The following RBFOX1 variants were observed in gnomAD, a reference collection of about 807,000 sequenced individuals.
RBFOX1 encodes RNA binding fox-1 homolog 1, also known as RNA binding protein fox-1 homolog 1.
Under a neutral mutation model 57.7 loss-of-function variants are expected in RBFOX1, and 8 were observed. The ratio of observed to expected loss-of-function variants is 0.14; its 90% CI spans 0.08 to 0.25. The LOEUF is 0.25. Among genes scored for constraint, RBFOX1 ranks in the 10% least tolerant of loss-of-function variants. The probability of loss-of-function intolerance (pLI) is 1.00; values close to 1 mark genes in which losing one functional copy is unlikely to be tolerated. For missense variants in RBFOX1, 611 were observed against 548.5 expected, an observed-to-expected ratio of 1.11 and a Z score of -1.14; for synonymous variants, 326 against 222.4, an observed-to-expected ratio of 1.47 and a Z score of -4.15.
intron 2 of RBFOX1, among the ~76,000 whole-genome samples, chr16:6,503,173 T>C (rs1293323879): frequency 6.6e-6 from 1 of 151,246 alleles, no homozygotes; most frequent in Non-Finnish European, 1.5e-5. Context: ...CAATTTATTA[T>C]ATGTGATTTT....
At chr16:5,951,492 T>C (rs1318310715) in intron 4 of RBFOX1, among the ~76,000 whole-genome samples, 1 of 152,140 alleles carries the variant, frequency 6.6e-6, no homozygotes, top group East Asian at 1.9e-4. Flanking sequence ...TATATATGTG[T>C]GTGTATATAT....
rs577290048 is a variant in RBFOX1 at position 6,497,777 on chromosome 16, G to C, written c.-63-156826G>C. Among the ~76,000 whole-genome samples the C allele has an allele frequency of 2.0e-5, 3 of 151,920 alleles. No homozygotes were observed. In the South Asian group the frequency reaches 6.2e-4, roughly 32 times the overall value. ...TCACCATATTAGCCAGGCTGACCTC[G>C]AACTCCTGACCTCAAGTGATCCACC... is the stretch of plus-strand genomic sequence containing the variant. On this transcript the variant is annotated intron_variant, in intron 2 of 15. Coordinates refer to ENST00000550418, the MANE Select transcript of RBFOX1 (RefSeq NM_018723.4).
At chr16:5,472,389 C>T (rs3859163) in intron 2 of RBFOX1, among the ~76,000 whole-genome samples, 1 of 151,916 alleles carries the variant, frequency 6.6e-6, no homozygotes, top group Admixed American at 6.6e-5. Context: ...ATTATTAAAC[C>T]CATTTGCAGC....
chr16:5,637,611 C>T (rs1161505588), intron 3 of RBFOX1, among the ~76,000 whole-genome samples: 1 of 152,086 alleles, frequency 6.6e-6, no homozygotes, highest in African/African-American at 2.4e-5. Context: ...AACAAGTTAC[C>T]CTTTTGTGCC....
intron 3 of RBFOX1, among the ~76,000 whole-genome samples, chr16:7,043,673 A>G (rs1383032062): frequency 6.6e-6 from 1 of 152,232 alleles, no homozygotes; most frequent in Non-Finnish European, 1.5e-5. Context: ...GGATTTTCCA[A>G]CATTCTATTA....
At chr16:6,661,059 C>T (rs1161694927) in intron 3 of RBFOX1, among the ~76,000 whole-genome samples, 1 of 152,120 alleles carries the variant, frequency 6.6e-6, no homozygotes, top group Non-Finnish European at 1.5e-5. Context: ...GAAGGTGATA[C>T]CTTCATATCT....
At chr16:5,676,141 G>A (rs2050162378) in intron 3 of RBFOX1, among the ~76,000 whole-genome samples, 1 of 152,012 alleles carries the variant, frequency 6.6e-6, no homozygotes, top group South Asian at 2.1e-4. Flanking sequence ...CCTAATTCAA[G>A]CAGGGCTTAA....
chr16:6,707,985 C>T (rs2063066953), intron 3 of RBFOX1, among the ~76,000 whole-genome samples: 1 of 152,146 alleles, frequency 6.6e-6, no homozygotes, highest in Non-Finnish European at 1.5e-5. Flanking sequence ...AAAACCTAGA[C>T]ATCAGGTAGT....
At chr16:6,337,091 G>C (rs534136631) in intron 2 of RBFOX1, among the ~76,000 whole-genome samples, 8 of 152,076 alleles carry the variant, frequency 5.3e-5, no homozygotes, top group African/African-American at 1.9e-4. Context: ...TATATTACTC[G>C]ACAGTTTATT....
At chr16:5,611,836 G>A (rs1255780498) in intron 3 of RBFOX1, among the ~76,000 whole-genome samples, 1 of 107,076 alleles carries the variant, frequency 9.3e-6, no homozygotes, top group Middle Eastern at 7.7e-3. Flanking sequence ...CTACTCTCCC[G>A]TCACTCAGCT....
chr16:7,044,249 C>G (rs1009391048), intron 3 of RBFOX1, among the ~76,000 whole-genome samples: 2 of 152,094 alleles, frequency 1.3e-5, no homozygotes, highest in Non-Finnish European at 2.9e-5. Context: ...AAGTGGATTC[C>G]AAACATCGTA....
intron 1 of RBFOX1, among the ~76,000 whole-genome samples, chr16:5,244,967 G>A (rs1332229597): frequency 6.6e-6 from 1 of 152,236 alleles, no homozygotes; most frequent in Admixed American, 6.5e-5. Flanking sequence ...TTAACCGCAG[G>A]GCTGGCAGGC....
intron 2 of RBFOX1, among the ~76,000 whole-genome samples, chr16:6,419,592 A>C (rs1398712979): frequency 6.6e-6 from 1 of 152,178 alleles, no homozygotes; most frequent in African/African-American, 2.4e-5. Context: ...GCCCCGTGCC[A>C]ATTTCATTTC....
chr16:6,956,922 GAT>G (rs1452327484), intron 3 of RBFOX1, among the ~76,000 whole-genome samples: 1 of 151,958 alleles, frequency 6.6e-6, no homozygotes, highest in African/African-American at 2.4e-5. Context: ...AAGGGGTCCA[GAT>G]CCAGACCCCA....
Position 5,806,584 on chromosome 16 carries a change from G to T in RBFOX1, c.319-60719G>T, listed in dbSNP as rs141852336. 3.3e-5 allele frequency among the ~76,000 whole-genome samples: 5 copies of T among 152,334 alleles called. No homozygotes were observed. The East Asian group carries it at 7.7e-4, about 24-fold the overall frequency. On this transcript the variant is annotated intron_variant, in intron 3 of 19. Transcript: ENST00000641259. The stretch of plus-strand genomic sequence containing the variant: ...GAGCACCAGAGTTCCAACCTTAGCA[G>T]AGGTGAACAAGTTGCAAGTCTGCTT...
chr16:5,641,538 C>T (rs904005837), intron 3 of RBFOX1, among the ~76,000 whole-genome samples: 2 of 152,158 alleles, frequency 1.3e-5, no homozygotes, highest in Admixed American at 1.3e-4. Flanking sequence ...GGTCACTGTG[C>T]CACCTAGCTC....
At chr16:7,180,513 G>A (rs951598729) in intron 4 of RBFOX1, among the ~76,000 whole-genome samples, 57 of 152,102 alleles carry the variant, frequency 3.7e-4, no homozygotes, top group African/African-American at 1.4e-3. Flanking sequence ...TTATCTGGTA[G>A]GGTCCTTTGA....
intron 2 of RBFOX1, among the ~76,000 whole-genome samples, chr16:6,587,806 A>C (rs73541310): frequency 0.015 from 2,274 of 152,328 alleles, 51 homozygotes; most frequent in African/African-American, 0.052. Flanking sequence ...AGTTTCACCA[A>C]TGATTAACAT....
intron 3 of RBFOX1, among the ~76,000 whole-genome samples, chr16:6,982,330 T>C (rs1178215557): frequency 1.3e-5 from 2 of 152,154 alleles, no homozygotes; most frequent in African/African-American, 2.4e-5. Context: ...CCCATTCCCA[T>C]TGTTGGCCAG....
Sources: gnomAD v4.1 joint callset for allele counts (sites outside exome capture counted in the v4.1 genomes callset) on GRCh38, gnomAD v4.1.1 for gene constraint, MANE v1.5 for transcripts, NCBI Gene and HGNC (gene_info 2026-07-23, HGNC 2026-07-21) for gene names.